RIN3: variants seen among roughly 807,000 people sequenced by gnomAD.
RIN3 encodes RAB5 interacting protein 3.
Under a neutral mutation model 76.3 loss-of-function variants are expected in RIN3, and 54 were observed. The ratio of observed to expected loss-of-function variants is 0.71; its 90% confidence interval spans 0.57 to 0.89. RIN3 has a LOEUF of 0.89. Ranked by LOEUF, RIN3 falls within the 40% of genes least tolerant of loss-of-function variation. The pLI, the probability that RIN3 is intolerant of heterozygous loss-of-function variation, is 0.00. For synonymous variants in RIN3, 576 were observed against 564.0 expected (o/e 1.02, Z -0.30); for missense variants, 1,256 against 1,322.1 (o/e 0.95, Z 0.78).
chr14:92,522,905 T>G (rs1227157738), intron 1 of RIN3, among the ~76,000 whole-genome samples: 1 of 152,196 alleles, frequency 6.6e-6, no homozygotes, highest in Non-Finnish European at 1.5e-5. Flanking sequence ...TCTCCTTTCC[T>G]CTCTCCTGTT....
intron 7 of RIN3, among the ~76,000 whole-genome samples, chr14:92,670,905 A>G (rs34371406): frequency 0.27 from 41,150 of 152,100 alleles, 6,859 homozygotes; most frequent in Non-Finnish European, 0.36. Flanking sequence ...GCTACAAATC[A>G]AGGTTGATTT....
chr14:92,615,571 C>G, intron 4 of RIN3, 92 bp downstream of exon 4: 1 of 1,081,692 alleles, frequency 9.2e-7, no homozygotes, highest in South Asian at 1.3e-5. Context: ...CAGGGAAGCC[C>G]CAGAGGGAGG....
intron 1 of RIN3, among the ~76,000 whole-genome samples, chr14:92,551,814 GAT>G (rs762650739): frequency 1.6e-4 from 25 of 152,182 alleles, no homozygotes; most frequent in Non-Finnish European, 2.9e-4. Context: ...GTCTCTGTTG[GAT>G]ATATGTTTTG....
intron 7 of RIN3, among the ~76,000 whole-genome samples, chr14:92,674,940 G>T (rs930780252): frequency 6.6e-6 from 1 of 151,236 alleles, no homozygotes; most frequent in Non-Finnish European, 1.5e-5. Flanking sequence ...TCCCCTGGAA[G>T]TGCTTGCCAT....
intron 3 of RIN3, among the ~76,000 whole-genome samples, chr14:92,589,810 C>T (rs561191817): frequency 6.0e-4 from 92 of 152,298 alleles, no homozygotes; most frequent in African/African-American, 2.0e-3. Flanking sequence ...GGCTTCTGTC[C>T]GGTCTGGCAT....
chr14:92,677,257 TC>T (rs1215441519), intron 8 of RIN3, among the ~76,000 whole-genome samples: 1 of 152,066 alleles, frequency 6.6e-6, no homozygotes, highest in Admixed American at 6.6e-5. Context: ...CTTTCCTCCT[TC>T]CCACCACATC....
At chr14:92,634,344 T>C (rs1161088511) in intron 4 of RIN3, among the ~76,000 whole-genome samples, 1 of 151,930 alleles carries the variant, frequency 6.6e-6, no homozygotes, top group Non-Finnish European at 1.5e-5. Context: ...CCTCCCAAAG[T>C]GCTGAGATTA....
chr14:92,611,495 C>T lies in RIN3; in HGVS notation c.368-3912C>T, dbSNP rs1468265253. On this transcript the variant is annotated intron_variant, in intron 3 of 9. Transcript: ENST00000216487. The stretch of plus-strand genomic sequence containing the variant: ...AGTCTGGTCTCAGACTCAGGTGATC[C>T]ACCCGCCTCGGCCTCCCAAAGTGCT... 3.3e-5 allele frequency among the ~76,000 whole-genome samples: 5 copies of T among 152,182 alleles called. No homozygotes were observed. The East Asian group carries it at 9.7e-4, about 29-fold the overall frequency.
intron 7 of RIN3, among the ~76,000 whole-genome samples, chr14:92,666,839 C>T (rs1462886619): frequency 6.6e-6 from 1 of 152,094 alleles, no homozygotes; most frequent in East Asian, 1.9e-4. Flanking sequence ...CCAGAGGGTA[C>T]TGATGGCCAG....
chr14:92,618,164 G>T (rs1886041467), intron 4 of RIN3, among the ~76,000 whole-genome samples: 1 of 152,122 alleles, frequency 6.6e-6, no homozygotes, highest in Non-Finnish European at 1.5e-5. Flanking sequence ...CATGTATAAG[G>T]CTGGCTGCAA....
At chr14:92,572,875 T>A (rs1186157601) in intron 2 of RIN3, among the ~76,000 whole-genome samples, 1 of 117,572 alleles carries the variant, frequency 8.5e-6, no homozygotes, top group Non-Finnish European at 1.7e-5. Context: ...CTCTTTTTTT[T>A]GCTTTTTTTT....
chr14:92,625,379 C>T lies in RIN3; in HGVS notation c.440+9900C>T, dbSNP rs184280886. 2.4e-3 allele frequency among the ~76,000 whole-genome samples: 362 copies of T among 152,208 alleles called. 3 individuals are homozygous for T. The highest frequency in any genetic ancestry group is 2.2e-4 in the Non-Finnish European group (15 of 68,012). On this transcript the variant is annotated intron_variant, in intron 4 of 9. Coordinates refer to ENST00000216487, the MANE Select transcript of RIN3 (RefSeq NM_024832.5). Reference sequence around the variant, plus strand: ...ATTTGATTCCTAAAGTTTGAGTAAGCCCTTTAATGATATTTGCGGTAAAGT... The same window carrying T: ...ATTTGATTCCTAAAGTTTGAGTAAGTCCTTTAATGATATTTGCGGTAAAGT...
chr14:92,635,062 T>C (rs1188999225), intron 4 of RIN3, among the ~76,000 whole-genome samples: 2 of 152,164 alleles, frequency 1.3e-5, no homozygotes, highest in Non-Finnish European at 2.9e-5. Flanking sequence ...TCAGTGAGTG[T>C]TCAGGCGGAG....
intron 2 of RIN3, among the ~76,000 whole-genome samples, chr14:92,562,288 C>G (rs1356320434): frequency 6.6e-6 from 1 of 152,146 alleles, no homozygotes; most frequent in Non-Finnish European, 1.5e-5. Context: ...TGATGTTGAC[C>G]TTGATCAATT....
intron 2 of RIN3, among the ~76,000 whole-genome samples, chr14:92,575,440 G>GTAAAGAAGCAAAAGAATGGC: frequency 6.6e-6 from 1 of 152,222 alleles, no homozygotes; most frequent in South Asian, 2.1e-4. Context: ...AAAAGAATGG[G>GTAAAGAAGCAAAAGAATGGC]TGCTCTATCC....
intron 7 of RIN3, among the ~76,000 whole-genome samples, chr14:92,669,695 C>T (rs1049389163): frequency 6.6e-6 from 1 of 152,172 alleles, no homozygotes; most frequent in Non-Finnish European, 1.5e-5. Flanking sequence ...TCTCCATCAG[C>T]GTCTGCAAAC....
chr14:92,666,858 T>C (rs964493084), intron 7 of RIN3, among the ~76,000 whole-genome samples: 3 of 152,278 alleles, frequency 2.0e-5, no homozygotes, highest in Admixed American at 6.5e-5. Flanking sequence ...AGAGGCTGCC[T>C]TTTCAGCTCC....
chr14:92,520,926 C>T (rs1036756760), intron 1 of RIN3, among the ~76,000 whole-genome samples: 1 of 149,568 alleles, frequency 6.7e-6, no homozygotes, highest in South Asian at 2.1e-4. Context: ...GGACTTATCT[C>T]TCTACCGATG....
At chr14:92,557,116 T>G (rs1051116446) in intron 2 of RIN3, among the ~76,000 whole-genome samples, 16 of 152,242 alleles carry the variant, frequency 1.1e-4, no homozygotes, top group African/African-American at 3.6e-4. Flanking sequence ...TCCATGCATA[T>G]TCATGCATAT....
Sources: allele counts gnomAD v4.1 joint callset (sites outside exome capture counted in the v4.1 genomes callset), GRCh38; gene constraint gnomAD v4.1.1; transcripts MANE v1.5; gene names NCBI Gene and HGNC (gene_info 2026-07-23, HGNC 2026-07-21).